The following TTL variants were observed in gnomAD, a reference collection of about 807,000 sequenced individuals.
The protein encoded by TTL is tubulin--tyrosine ligase.
Under a neutral mutation model 41.1 loss-of-function variants are expected in TTL, and 10 were observed. The observed-to-expected ratio is 0.24, with a 90% CI of 0.15 to 0.41. TTL has a LOEUF of 0.41. Ranked by LOEUF, TTL falls within the 10% of genes least tolerant of loss-of-function variation. The pLI, the probability that TTL is intolerant of heterozygous loss-of-function variation, is 1.00. For missense variants in TTL, 367 were observed against 460.4 expected (o/e 0.80, Z 1.86); for synonymous variants, 175 against 175.5 (o/e 1.00, Z 0.02).
intron 6 of TTL, chr2:112,521,251 TC>T: frequency 1.0e-6 from 1 of 985,250 alleles, no homozygotes; most frequent in African/African-American, 1.7e-5. Flanking sequence ...GAACAGAAGC[TC>T]CTGAGAACCT....
At chr2:112,497,513 G>A (rs953249903) in intron 3 of TTL, among the ~76,000 whole-genome samples, 1 of 151,958 alleles carries the variant, frequency 6.6e-6, no homozygotes, top group African/African-American at 2.4e-5. Flanking sequence ...TTATTTTGTA[G>A]GTATAAAACG....
intron 5 of TTL, among the ~76,000 whole-genome samples, chr2:112,518,789 C>G (rs934116978): frequency 2.0e-5 from 3 of 151,876 alleles, no homozygotes; most frequent in Non-Finnish European, 4.4e-5. Flanking sequence ...ATTCTCCTGC[C>G]TCAGCGTCTG....
In TTL at chr2:112,496,495, C is replaced by T. The variant is rs1247473556; in HGVS notation, c.469+2120C>T. ...CACTGCCTATTTCTAATCTAGCCACCTTCACCTCTCACCTGGAGCGTGGGA... is the reference window on the plus strand; with the variant it reads ...CACTGCCTATTTCTAATCTAGCCACTTTCACCTCTCACCTGGAGCGTGGGA... On this transcript the variant is annotated intron_variant, in intron 3 of 6. Coordinates refer to ENST00000233336, the MANE Select transcript of TTL (RefSeq NM_153712.5). Among the ~76,000 whole-genome samples the T allele has an allele frequency of 2.6e-5, 4 of 152,116 alleles. No homozygotes were observed. In the East Asian group the frequency reaches 5.8e-4, roughly 22 times the overall value.
At chr2:112,520,015 A>G (rs1036198560) in intron 5 of TTL, among the ~76,000 whole-genome samples, 1 of 151,768 alleles carries the variant, frequency 6.6e-6, no homozygotes, top group African/African-American at 2.4e-5. Flanking sequence ...CTGTAATCCC[A>G]GCTGCTCGGG....
intron 1 of TTL, among the ~76,000 whole-genome samples, chr2:112,484,397 G>A (rs1681183104): frequency 6.6e-6 from 1 of 151,720 alleles, no homozygotes. Flanking sequence ...CCAAGTAGCT[G>A]GGATTACAGG....
At chr2:112,524,806 T>C (rs1391590197) in intron 6 of TTL, among the ~76,000 whole-genome samples, 1 of 152,216 alleles carries the variant, frequency 6.6e-6, no homozygotes, top group African/African-American at 2.4e-5. Flanking sequence ...TAGATCCCAT[T>C]TGTCAATTTT....
chr2:112,490,930 A>T (rs1044709761), intron 2 of TTL, among the ~76,000 whole-genome samples: 2 of 152,000 alleles, frequency 1.3e-5, no homozygotes, highest in African/African-American at 4.8e-5. Flanking sequence ...ATAGAAAGAA[A>T]TTTTTTGCAT....
At position 112,494,361 on chromosome 2, in the gene TTL, C is replaced by T; in HGVS notation, c.455C>T (p.Ser152Leu). The T allele has an allele frequency of 6.2e-7, 1 of 1,613,720 alleles. No homozygotes were observed. The highest frequency in any genetic ancestry group is 8.5e-7 in the Non-Finnish European group (1 of 1,179,818). ...GEGNVWIAKSSAGAKGEGILI... is the reference protein window; with the variant it reads ...GEGNVWIAKSLAGAKGEGILI... ...GGCAACGTTTGGATTGCAAAGTCAT[C>T]AGCCGGTGCCAAAGGTGAGTTGGCA... The change falls in exon 3 of 7, where the codon TCA becomes TTA. Residue 152 changes from serine to leucine, a missense_variant. Transcript: ENST00000233336.
chr2:112,523,346 GTGTC>G (rs1190731001), intron 6 of TTL, among the ~76,000 whole-genome samples: 1,209 of 50,710 alleles, frequency 0.024, 19 homozygotes, highest in African/African-American at 0.065. Context: ...GGGTGTGTGT[GTGTC>G]TGTGTGTGTG....
At position 112,494,342 on chromosome 2, in the gene TTL, G is replaced by T. The variant is rs774162883; in HGVS notation, c.436G>T (p.Val146Phe). 1.2e-6 allele frequency: 2 copies of T among 1,614,128 alleles called. No individual in the cohort carries two copies. Residue 146 changes from valine to phenylalanine, a missense_variant, in exon 3 of 7, where the codon GTT becomes TTT. Coordinates refer to ENST00000233336, the MANE Select transcript of TTL (RefSeq NM_153712.5). ...NRKKEDGEGN[V>F]WIAKSSAGAK... ...AAAGAAAGAGGATGGAGAGGGCAAC[G>T]TTTGGATTGCAAAGTCATCAGCCGG...
Position 112,529,025 on chromosome 2 carries a change from CT to C in TTL, c.*233del. ...GTGCTGTTGAGACTTTTGAAAACAA[CT>C]TTGGTACACAAAGGCAGCTTTGTGA... On this transcript the variant is annotated 3_prime_UTR_variant, in exon 7 of 7. Coordinates refer to ENST00000233336, the MANE Select transcript of TTL (RefSeq NM_153712.5). 1.8e-6 allele frequency: 1 copy of C among 560,726 alleles called. No homozygotes were observed. Among genetic ancestry groups the C allele is most frequent in the Non-Finnish European group, 3.2e-6 (1 of 312,838 alleles). 34.7% of individuals were successfully genotyped at this position (560,726 alleles called of 1,614,324 possible).
chr2:112,520,517 T>C, intron 6 of TTL, 92 bp downstream of exon 6: 1 of 1,519,206 alleles, frequency 6.6e-7, no homozygotes, highest in African/African-American at 1.4e-5. Flanking sequence ...CTTTGACTGC[T>C]GTGAGGGAGG....
rs117078967 is a variant in TTL, at chr2:112,521,737, A to G, written c.1019+1312A>G. 6.4e-4 allele frequency among the ~76,000 whole-genome samples: 98 copies of G among 152,270 alleles called. 1 individual carries two copies. In the East Asian group the frequency reaches 0.018, roughly 29 times the overall value. On this transcript the variant is annotated intron_variant, in intron 6 of 6. Coordinates refer to ENST00000233336, the MANE Select transcript of TTL (RefSeq NM_153712.5). ...GGGAGCAAAGAGAGACACAGGCCCT[A>G]CCTTTCGTGGGGAGAGACTGTGAGC...
chr2:112,498,414 C>T (rs1163341313), intron 3 of TTL, among the ~76,000 whole-genome samples: 2 of 152,056 alleles, frequency 1.3e-5, no homozygotes, highest in South Asian at 4.1e-4. Context: ...TGTATAGGCT[C>T]TGTGTGCTAA....
In TTL at chr2:112,501,439, G is replaced by A; in HGVS notation, c.605+98G>A. The A allele has an allele frequency of 3.6e-6, 4 of 1,126,096 alleles. No homozygotes were observed. In the South Asian group the frequency reaches 7.7e-5, roughly 22 times the overall value. The allele number at this position is 1,126,096 out of a possible 1,614,324, so 69.8% of individuals were successfully genotyped here. On this transcript the variant is annotated intron_variant, in intron 4 of 6. Transcript: ENST00000233336. ...GGACATGGAATATGAGGAAGCGTTT[G>A]ACCATGTTTAATATGTTACCAAAAT... is the stretch of plus-strand genomic sequence containing the variant.
At chr2:112,493,595 A>C (rs2104451613) in intron 2 of TTL, among the ~76,000 whole-genome samples, 1 of 152,294 alleles carries the variant, frequency 6.6e-6, no homozygotes, top group South Asian at 2.1e-4. Flanking sequence ...CAGGAGGTAT[A>C]TTTCACTATG....
Position 112,503,167 on chromosome 2 carries a change from C to A in TTL, c.861C>A (p.Ile287=). ...ITLESSILLQ[I]KHIIRNCLLS... Reference sequence around the variant, plus strand: ...TAGAAAGTAGTATCTTACTACAAATCAAACATATAATAAGGTAACTTAATT... The same window carrying A: ...TAGAAAGTAGTATCTTACTACAAATAAAACATATAATAAGGTAACTTAATT... The change falls in exon 5 of 7, where the codon ATC becomes ATA. Residue 287 remains isoleucine, a synonymous_variant. Coordinates refer to ENST00000233336, the MANE Select transcript of TTL (RefSeq NM_153712.5). The A allele has an allele frequency of 6.3e-7, 1 of 1,595,738 alleles. No individual in the cohort carries two copies. The highest frequency in any genetic ancestry group is 1.1e-5 in the South Asian group (1 of 89,690).
In TTL at chr2:112,539,418, A is replaced by C. The variant is rs1328943133; in HGVS notation, c.*10623A>C. On this transcript the variant is annotated 3_prime_UTR_variant, in exon 7 of 7. Coordinates refer to ENST00000233336, the MANE Select transcript of TTL (RefSeq NM_153712.5). ...ACTTTAATAGAAAAAAGAGGACAAA[A>C]AGCACATGATCATTTCAATATACAC... 6.6e-6 allele frequency: 1 copy of C among 152,172 alleles called. No individual in the cohort carries two copies. Among genetic ancestry groups the C allele is most frequent in the Non-Finnish European group, 1.5e-5 (1 of 68,036 alleles). The allele number at this position is 152,172 out of a possible 1,614,324, so 9.4% of individuals were successfully genotyped here.
intron 6 of TTL, chr2:112,522,082 CT>C (rs1443951277): frequency 1.3e-5 from 2 of 152,404 alleles, no homozygotes; most frequent in South Asian, 2.1e-4. Flanking sequence ...ACATTGTCAC[CT>C]TTTTCCCTCT....
Sources: gnomAD v4.1 joint callset for allele counts (sites outside exome capture counted in the v4.1 genomes callset) on GRCh38, gnomAD v4.1.1 for gene constraint, MANE v1.5 for transcripts, NCBI Gene and HGNC (gene_info 2026-07-23, HGNC 2026-07-21) for gene names.